The following ANKRD11 variants were observed in gnomAD, a reference collection of about 807,000 sequenced individuals.
ANKRD11 encodes ankyrin repeat domain 11.
A neutral mutation model predicts 195.7 loss-of-function variants in ANKRD11; 17 were observed. That is an observed-to-expected ratio of 0.09 (90% CI 0.06 to 0.13). The LOEUF (loss-of-function observed/expected upper bound fraction) is 0.13. Among genes scored for constraint, ANKRD11 ranks in the 10% least tolerant of loss-of-function variants. The pLI is 1.00. For synonymous variants in ANKRD11, 1,953 were observed against 1,528.1 expected (o/e 1.28, Z -6.49); for missense variants, 3,735 against 3,566.1 (o/e 1.05, Z -1.21).
At chr16:89,270,950 A>C in intron 11 of ANKRD11, 41 bp from the exon 12 acceptor site, 1 of 1,602,392 alleles carries the variant, frequency 6.2e-7, no homozygotes, top group Non-Finnish European at 8.5e-7. Context: ...GGAGCCCCAG[A>C]GACCGCTACG....
chr16:89,444,831 G>C (rs1471278744), intron 1 of ANKRD11, among the ~76,000 whole-genome samples: 2 of 152,080 alleles, frequency 1.3e-5, no homozygotes, highest in East Asian at 3.8e-4. Context: ...ACCAAATAAA[G>C]ATCAACTATG....
intron 1 of ANKRD11, among the ~76,000 whole-genome samples, chr16:89,481,934 AT>A (rs2057457669): frequency 6.6e-6 from 1 of 151,978 alleles, no homozygotes; most frequent in Non-Finnish European, 1.5e-5. Flanking sequence ...AAAAAAAAAA[AT>A]AGCACTTCTT....
At chr16:89,368,909 A>G (rs1233309656) in intron 2 of ANKRD11, among the ~76,000 whole-genome samples, 2 of 152,184 alleles carry the variant, frequency 1.3e-5, no homozygotes, top group Non-Finnish European at 2.9e-5. Context: ...CAAAAATTTA[A>G]AAAATGGGCA....
chr16:89,354,468 C>G lies in ANKRD11; in HGVS notation c.-59-37390G>C, dbSNP rs565566493. Among the ~76,000 whole-genome samples the G allele has an allele frequency of 2.0e-5, 3 of 152,338 alleles. No individual in the cohort carries two copies. In the East Asian group the frequency reaches 5.8e-4, roughly 29 times the overall value. On this transcript the variant is annotated intron_variant, in intron 2 of 12. Transcript: ENST00000301030. ...TGCAGAGCCAGCCCACCTCCCTGCACCAGTGGAAATGTCACAGAGGGCAGA... is the reference window on the plus strand; with the variant it reads ...TGCAGAGCCAGCCCACCTCCCTGCAGCAGTGGAAATGTCACAGAGGGCAGA...
chr16:89,370,205 T>G (rs1007921836), intron 2 of ANKRD11, among the ~76,000 whole-genome samples: 10 of 152,328 alleles, frequency 6.6e-5, no homozygotes, highest in Admixed American at 1.3e-4. Flanking sequence ...TGGAGCTGCT[T>G]CTTCTCAGGA....
At chr16:89,444,902 C>A (rs771048313) in intron 1 of ANKRD11, among the ~76,000 whole-genome samples, 1 of 152,254 alleles carries the variant, frequency 6.6e-6, no homozygotes, top group Non-Finnish European at 1.5e-5. Flanking sequence ...GCTCAGGGAA[C>A]CACCACCTAA....
chr16:89,290,170 G>A (rs1362862070), intron 6 of ANKRD11, among the ~76,000 whole-genome samples: 2 of 152,206 alleles, frequency 1.3e-5, no homozygotes, highest in African/African-American at 2.4e-5. Flanking sequence ...GAGCAGACGC[G>A]CACCCCACGA....
chr16:89,278,889 G>C, intron 9 of ANKRD11, 183 bp downstream of exon 9: 1 of 1,025,578 alleles, frequency 9.8e-7, no homozygotes, highest in Non-Finnish European at 1.5e-6. Context: ...CTGCAGAACA[G>C]CTGGGCAGCT....
intron 2 of ANKRD11, among the ~76,000 whole-genome samples, chr16:89,372,351 G>A (rs1011626577): frequency 6.6e-5 from 10 of 152,220 alleles, no homozygotes; most frequent in African/African-American, 2.4e-4. Flanking sequence ...AGGGCCTGCC[G>A]CCGGTGTGGA....
At chr16:89,445,207 A>AGT (rs1255803877) in intron 1 of ANKRD11, among the ~76,000 whole-genome samples, 1 of 152,268 alleles carries the variant, frequency 6.6e-6, no homozygotes, top group African/African-American at 2.4e-5. Context: ...GCTTGTTTAC[A>AGT]AAAGTAAAAC....
chr16:89,387,255 G>C (rs2040954331), intron 2 of ANKRD11, among the ~76,000 whole-genome samples: 1 of 152,084 alleles, frequency 6.6e-6, no homozygotes. Context: ...ATCTCTCAAG[G>C]GAGAGGCCTG....
intron 2 of ANKRD11, among the ~76,000 whole-genome samples, chr16:89,381,354 A>AAAAAAAAAAAAAAAAAAG (rs1555560066): frequency 4.8e-5 from 6 of 125,338 alleles, no homozygotes; most frequent in African/African-American, 2.0e-4. Flanking sequence ...AAAAAAAAAA[A>AAAAAAAAAAAAAAAAAAG]GGGGTGAGAA....
chr16:89,278,517 A>G (rs1243431340), intron 9 of ANKRD11: 1 of 456,270 alleles, frequency 2.2e-6, no homozygotes, highest in South Asian at 1.5e-5. Context: ...TGCCTGGGGA[A>G]CTGGGCTGAC....
chr16:89,435,474 G>A (rs1315571336), intron 1 of ANKRD11, among the ~76,000 whole-genome samples: 1 of 152,132 alleles, frequency 6.6e-6, no homozygotes, highest in Non-Finnish European at 1.5e-5. Context: ...TTTATGAGCT[G>A]TAACCCTCAG....
At chr16:89,449,700 G>A (rs1162984456) in intron 1 of ANKRD11, among the ~76,000 whole-genome samples, 1 of 152,190 alleles carries the variant, frequency 6.6e-6, no homozygotes, top group Non-Finnish European at 1.5e-5. Flanking sequence ...GGCTGAGGCA[G>A]GAGAATCACT....
intron 9 of ANKRD11, chr16:89,278,632 G>A (rs1200068231): frequency 4.3e-6 from 2 of 460,922 alleles, no homozygotes; most frequent in Non-Finnish European, 8.7e-6. Context: ...TGGGGGAAGG[G>A]ACTCATCGTG....
intron 9 of ANKRD11, 149 bp from the exon 10 acceptor site, chr16:89,275,340 C>T: frequency 3.0e-6 from 2 of 661,812 alleles, no homozygotes; most frequent in Non-Finnish European, 2.6e-6. Flanking sequence ...AACAGACACA[C>T]CAGGAAGCTT....
intron 2 of ANKRD11, chr16:89,324,165 C>A (rs989543920): frequency 1.8e-6 from 2 of 1,110,328 alleles, no homozygotes; most frequent in Middle Eastern, 3.1e-4. Flanking sequence ...CTCACATTTT[C>A]TGTTATCACG....
chr16:89,390,176 G>A (rs113657914), intron 2 of ANKRD11, among the ~76,000 whole-genome samples: 9 of 99,052 alleles, frequency 9.1e-5, no homozygotes, highest in African/African-American at 1.3e-4. Flanking sequence ...AGTGTGGCGG[G>A]GAGCACCGAG....
Sources: gnomAD v4.1 joint callset for allele counts (sites outside exome capture counted in the v4.1 genomes callset) on GRCh38, gnomAD v4.1.1 for gene constraint, MANE v1.5 for transcripts, NCBI Gene and HGNC (gene_info 2026-07-23, HGNC 2026-07-21) for gene names.